LRRTM4: variants seen among roughly 807,000 people sequenced by gnomAD.
LRRTM4 encodes leucine-rich repeat transmembrane neuronal protein 4.
A neutral mutation model predicts 47.6 loss-of-function variants in LRRTM4; 25 were observed. The ratio of observed to expected loss-of-function variants is 0.53; its 90% CI spans 0.38 to 0.73. The LOEUF (loss-of-function observed/expected upper bound fraction) is 0.73, where lower values mean the gene tolerates loss of function less well. Ranked by LOEUF, LRRTM4 falls within the 30% of genes least tolerant of loss-of-function variation. LRRTM4 has a pLI of 0.00. For synonymous variants in LRRTM4, 311 were observed against 269.5 expected, an observed-to-expected ratio of 1.15 and a Z score of -1.51; for missense variants, 638 against 713.4, an observed-to-expected ratio of 0.89 and a Z score of 1.20.
chr2:76,828,832 T>A (rs558382521), intron 3 of LRRTM4, among the ~76,000 whole-genome samples: 2 of 152,036 alleles, frequency 1.3e-5, no homozygotes, highest in East Asian at 3.9e-4. Flanking sequence ...CAATCCACCT[T>A]TACAGTCTTC....
At chr2:77,028,841 C>A (rs949811313) in intron 3 of LRRTM4, among the ~76,000 whole-genome samples, 1 of 151,598 alleles carries the variant, frequency 6.6e-6, no homozygotes, top group African/African-American at 2.4e-5. Flanking sequence ...CAAGACCATC[C>A]TGGCTAACAC....
At chr2:77,467,223 T>A (rs1262845395) in intron 3 of LRRTM4, among the ~76,000 whole-genome samples, 1 of 152,114 alleles carries the variant, frequency 6.6e-6, no homozygotes, top group East Asian at 1.9e-4. Flanking sequence ...CCCCTCCCAC[T>A]TGGGCCTGGT....
intron 3 of LRRTM4, among the ~76,000 whole-genome samples, chr2:76,804,440 A>T (rs952806037): frequency 5.3e-5 from 8 of 152,030 alleles, no homozygotes; most frequent in African/African-American, 1.9e-4. Context: ...ACTGGAGATT[A>T]TTCACCATAC....
intron 3 of LRRTM4, among the ~76,000 whole-genome samples, chr2:76,936,585 T>TAAA (rs869085850): frequency 2.1e-5 from 2 of 96,948 alleles, no homozygotes; most frequent in Non-Finnish European, 2.5e-5. Flanking sequence ...TAAAGTATAA[T>TAAA]AAAAAAAAAA....
intron 3 of LRRTM4, among the ~76,000 whole-genome samples, chr2:76,769,952 C>T (rs1673622425): frequency 6.6e-6 from 1 of 152,110 alleles, no homozygotes; most frequent in Non-Finnish European, 1.5e-5. Context: ...AAATATAAAT[C>T]ATTTATCCCC....
intron 3 of LRRTM4, among the ~76,000 whole-genome samples, chr2:76,812,910 T>A (rs1670787614): frequency 6.6e-6 from 1 of 151,390 alleles, no homozygotes; most frequent in African/African-American, 2.4e-5. Flanking sequence ...TACATTGAAA[T>A]AGGATTTTTC....
chr2:77,436,462 G>A (rs1675605090), intron 3 of LRRTM4, among the ~76,000 whole-genome samples: 1 of 151,694 alleles, frequency 6.6e-6, no homozygotes, highest in South Asian at 2.1e-4. Context: ...TTTATTTTAT[G>A]TAATTTATAT....
chr2:77,252,793 G>T (rs1181247855), intron 3 of LRRTM4, among the ~76,000 whole-genome samples: 1 of 152,114 alleles, frequency 6.6e-6, no homozygotes, highest in East Asian at 1.9e-4. Context: ...GGGAGGAAAT[G>T]ACATGGAGTT....
At chr2:76,992,884 C>T (rs1677060664) in intron 3 of LRRTM4, among the ~76,000 whole-genome samples, 1 of 147,910 alleles carries the variant, frequency 6.8e-6, no homozygotes, top group Non-Finnish European at 1.5e-5. Flanking sequence ...TACTATAAGG[C>T]TTAAGTAACC....
At chr2:77,442,068 C>T (rs1035568781) in intron 3 of LRRTM4, among the ~76,000 whole-genome samples, 12 of 152,104 alleles carry the variant, frequency 7.9e-5, no homozygotes, top group Non-Finnish European at 2.9e-5. Context: ...AGTACCAACG[C>T]TTTTGTTGTC....
intron 3 of LRRTM4, among the ~76,000 whole-genome samples, chr2:77,305,404 C>A (rs1677245397): frequency 6.6e-6 from 1 of 152,000 alleles, no homozygotes; most frequent in African/African-American, 2.4e-5. Context: ...ATACTAATCT[C>A]AGTTTCAATA....
At position 76,748,857 on chromosome 2, in the gene LRRTM4, G is replaced by A; in HGVS notation, c.1611C>T (p.Tyr537=). The A allele has an allele frequency of 6.2e-7, 1 of 1,614,024 alleles. No individual in the cohort carries two copies. Among genetic ancestry groups the A allele is most frequent in the Non-Finnish European group, 8.5e-7 (1 of 1,179,900 alleles). Residue 537 remains tyrosine, a synonymous_variant, in exon 4 of 4, where the codon TAC becomes TAT. Coordinates refer to ENST00000409884, the MANE Select transcript of LRRTM4 (RefSeq NM_001134745.3). The part of the protein sequence containing the change: ...YYSYDQPVIG[Y]CQAHQPLHVT... ...CATGGAGTGGCTGGTGGGCCTGGCA[G>A]TACCCGATCACAGGCTGGTCATAGC...
In LRRTM4 at chr2:77,348,634, G is replaced by T. The variant is rs1671653346; in HGVS notation, c.1551+169684C>A. 3.3e-5 allele frequency among the ~76,000 whole-genome samples: 5 copies of T among 150,336 alleles called. No individual in the cohort carries two copies. In the South Asian group the frequency reaches 1.0e-3, roughly 32 times the overall value. On this transcript the variant is annotated intron_variant, in intron 3 of 3. Transcript: ENST00000409884. ...CATTTATTTCTGTTATTGGAATTATGATTTTTTTAAAAAATAGCATTTTGC... is the reference window on the plus strand; with the variant it reads ...CATTTATTTCTGTTATTGGAATTATTATTTTTTTAAAAAATAGCATTTTGC...
chr2:76,756,935 C>A (rs1212989345), intron 3 of LRRTM4, among the ~76,000 whole-genome samples: 2 of 151,934 alleles, frequency 1.3e-5, no homozygotes, highest in Non-Finnish European at 2.9e-5. Flanking sequence ...AATGAAAGAA[C>A]AATAATCATA....
chr2:77,478,587 C>T (rs1019878427), intron 3 of LRRTM4, among the ~76,000 whole-genome samples: 3 of 152,158 alleles, frequency 2.0e-5, no homozygotes, highest in African/African-American at 7.2e-5. Flanking sequence ...TCCACAAGCT[C>T]CTGTTGGTTG....
intron 3 of LRRTM4, among the ~76,000 whole-genome samples, chr2:77,230,872 A>T (rs1022636790): frequency 6.6e-6 from 1 of 152,178 alleles, no homozygotes; most frequent in African/African-American, 2.4e-5. Flanking sequence ...ACAAACTATC[A>T]TTAAAAATAG....
chr2:77,051,231 T>A (rs949736545), intron 3 of LRRTM4, among the ~76,000 whole-genome samples: 1 of 151,954 alleles, frequency 6.6e-6, no homozygotes, highest in Non-Finnish European at 1.5e-5. Context: ...CAAAGAACTA[T>A]CTAGTTCAAA....
chr2:77,275,603 T>C lies in LRRTM4; in HGVS notation c.1551+242715A>G, dbSNP rs548298854. Among the ~76,000 whole-genome samples the C allele has an allele frequency of 9.9e-5, 15 of 152,276 alleles. 1 individual carries two copies. Among genetic ancestry groups the C allele is most frequent in the African/African-American group, 3.6e-4 (15 of 41,566 alleles). On this transcript the variant is annotated intron_variant, in intron 3 of 3. Transcript: ENST00000409884. ...CCTAAGGCTTTTTAAAACTACTGTG[T>C]ATCTTGCTTGGCTACCCTCCGGTCT...
intron 3 of LRRTM4, among the ~76,000 whole-genome samples, chr2:77,259,460 C>G (rs927226089): frequency 2.0e-5 from 3 of 151,952 alleles, no homozygotes; most frequent in African/African-American, 7.2e-5. Context: ...TGAGGGCTAT[C>G]TATGTTTCAA....
Sources: allele counts gnomAD v4.1 joint callset (sites outside exome capture counted in the v4.1 genomes callset), GRCh38; gene constraint gnomAD v4.1.1; transcripts MANE v1.5; gene names NCBI Gene and HGNC (gene_info 2026-07-23, HGNC 2026-07-21).